Variants in PATJ observed in about 807,000 individuals in gnomAD.
PATJ encodes the protein inaD-like protein.
In PATJ, 190 loss-of-function variants were observed where a neutral mutation model predicts 224.9. That is an observed-to-expected ratio of 0.84 (90% CI 0.75 to 0.95). The LOEUF is 0.95. Ranked by LOEUF, PATJ falls within the 40% of genes least tolerant of loss-of-function variation. PATJ has a pLI of 0.00. For synonymous variants in PATJ, 769 were observed against 820.3 expected (o/e 0.94, Z 1.07); for missense variants, 2,121 against 2,270.3 (o/e 0.93, Z 1.34).
intron 38 of PATJ, 116 bp downstream of exon 38, chr1:62,121,411 T>C (rs1050682402): frequency 2.9e-6 from 2 of 678,048 alleles, no homozygotes; most frequent in African/African-American, 3.7e-5. Context: ...TTTTTGAGCT[T>C]GGCCACATAA....
intron 16 of PATJ, among the ~76,000 whole-genome samples, chr1:61,829,079 G>T (rs1312119806): frequency 6.6e-6 from 1 of 152,090 alleles, no homozygotes; most frequent in Non-Finnish European, 1.5e-5. Context: ...CAGTCCATCC[G>T]TTTTTGTTTT....
At chr1:62,072,559 C>T in intron 31 of PATJ, 1 of 151,648 alleles carries the variant, frequency 6.6e-6, no homozygotes, top group South Asian at 2.1e-4. Context: ...TGGGTGTCCA[C>T]ACTAAGTTCG....
At chr1:61,838,702 C>T (rs917627947) in intron 17 of PATJ, among the ~76,000 whole-genome samples, 7 of 152,006 alleles carry the variant, frequency 4.6e-5, no homozygotes, top group Non-Finnish European at 1.0e-4. Context: ...CAACAAAACT[C>T]TTCAGAAACT....
chr1:62,080,725 A>G (rs1302222028), intron 32 of PATJ, among the ~76,000 whole-genome samples: 1 of 152,230 alleles, frequency 6.6e-6, no homozygotes, highest in Non-Finnish European at 1.5e-5. Flanking sequence ...GCATTAATTT[A>G]GCAGTTCTGA....
chr1:61,829,010 A>G (rs1658830162), intron 16 of PATJ, among the ~76,000 whole-genome samples: 1 of 152,192 alleles, frequency 6.6e-6, no homozygotes, highest in South Asian at 2.1e-4. Context: ...TTCTTAACAC[A>G]ATGCCTTGTA....
chr1:61,912,140 T>C (rs998300846), intron 25 of PATJ, among the ~76,000 whole-genome samples: 3 of 152,166 alleles, frequency 2.0e-5, no homozygotes, highest in Admixed American at 1.3e-4. Flanking sequence ...CCTACTTTTT[T>C]TGACACATGA....
chr1:61,901,349 A>G lies in PATJ; in HGVS notation c.3271A>G (p.Lys1091Glu), dbSNP rs763865962. Residue 1091 changes from lysine (K) to glutamate (E), a missense_variant, in exon 24 of 44, where the codon AAA becomes GAA. Physicochemically the swap from Lys to Glu is moderately conservative, Grantham distance 56. Coordinates refer to ENST00000642238, the MANE Select transcript of PATJ (RefSeq NM_001350145.3). ...ISIVGGQTVI[K>E]RLKNGEELKG... ...TATTGTTGGTGGACAAACTGTTATA[A>G]AACGTCTAAAGAATGGAGAGGAGCT... The G allele has an allele frequency of 1.9e-6, 3 of 1,585,906 alleles. No homozygotes were observed. Among genetic ancestry groups the G allele is most frequent in the Admixed American group, 3.8e-5 (2 of 52,292 alleles).
Position 62,018,079 on chromosome 1 carries a change from C to A in PATJ, c.3959+132C>A. 2 of 533,596 alleles carry A rather than the reference C, an allele frequency of 3.7e-6. No homozygotes were observed. The highest frequency in any genetic ancestry group is 2.8e-5 in the Admixed American group (1 of 36,108). The allele number at this position is 533,596 out of a possible 1,614,324, so 33.1% of individuals were successfully genotyped here. The stretch of plus-strand genomic sequence containing the variant: ...CTAAAAACATATATTCCTTTTGTAA[C>A]TGTCACTTCAAGAAAAGTATTGATT... On this transcript the variant is annotated intron_variant, in intron 29 of 43. Coordinates refer to ENST00000642238, the MANE Select transcript of PATJ (RefSeq NM_001350145.3). The surrounding 1 kb of genome is among the most constrained non-coding windows in gnomAD (Gnocchi z 4.2).
Position 61,922,002 on chromosome 1 carries a change from A to G in PATJ, c.3571-5728A>G, listed in dbSNP as rs1296011902. Among the ~76,000 whole-genome samples, 4 of 152,272 alleles carry G rather than the reference A, an allele frequency of 2.6e-5. No homozygotes were observed. In the East Asian group the frequency reaches 5.8e-4, roughly 22 times the overall value. On this transcript the variant is annotated intron_variant, in intron 26 of 43. Transcript: ENST00000642238. Reference sequence around the variant, plus strand: ...TGCAGCTTGCATTTCTAGTGGGGCAAGGCAAACAGGATAGAATCAGTAACT... The same window carrying G: ...TGCAGCTTGCATTTCTAGTGGGGCAGGGCAAACAGGATAGAATCAGTAACT...
intron 17 of PATJ, among the ~76,000 whole-genome samples, chr1:61,842,766 A>AAAAAAAAAGGAAAAG (rs59816648): frequency 0.76 from 113,492 of 148,376 alleles, 43,661 homozygotes; most frequent in Admixed American, 0.8. Context: ...CAGCTATTAA[A>AAAAAAAAAGGAAAAG]AAAAAAAAGG....
At chr1:61,752,245 G>A (rs767058936) in intron 1 of PATJ, among the ~76,000 whole-genome samples, 21 of 149,882 alleles carry the variant, frequency 1.4e-4, no homozygotes, top group African/African-American at 4.9e-4. Context: ...ACTTTGAATA[G>A]TTTAATGAGA....
In PATJ at chr1:61,801,691, G is replaced by A. The variant is rs777885910; in HGVS notation, c.1471G>A (p.Val491Met). 2 of 1,601,338 alleles carry A rather than the reference G, an allele frequency of 1.2e-6. No homozygotes were observed. Among genetic ancestry groups the A allele is most frequent in the African/African-American group, 2.7e-5 (2 of 74,724 alleles). The change falls in exon 12 of 44, where the codon GTG (valine) becomes ATG (methionine). Residue 491 changes from valine to methionine, a missense_variant. By Grantham distance (21) the Val-to-Met change is conservative. Coordinates refer to ENST00000642238, the MANE Select transcript of PATJ (RefSeq NM_001350145.3). ...TGGAGCAGTGGAAACTGAAACTAAT[G>A]TGGATGGTGAAGATGAGGAAATTAA... Reference protein sequence around the residue: ...LTGAVETETNVDGEDEEIKER... With the variant: ...LTGAVETETNMDGEDEEIKER...
intron 41 of PATJ, among the ~76,000 whole-genome samples, chr1:62,133,682 A>G (rs910924070): frequency 1.3e-5 from 2 of 151,916 alleles, no homozygotes; most frequent in African/African-American, 2.4e-5. Context: ...CGCTCTGGAA[A>G]CACCTGGAGG....
Position 62,028,353 on chromosome 1 carries a change from C to T in PATJ, c.3960-9624C>T, listed in dbSNP as rs371906426. On this transcript the variant is annotated intron_variant, in intron 29 of 43. Transcript: ENST00000642238. ...TGAGTAGCTAGGATTACAGATGCAC[C>T]CCATCAGTGTAACCTTCATCCAGAA... 5.8e-4 allele frequency among the ~76,000 whole-genome samples: 89 copies of T among 152,214 alleles called. 4 individuals carry two copies. The South Asian group carries it at 0.018, about 31-fold the overall frequency.
chr1:61,967,804 G>A (rs1426942057), intron 27 of PATJ, among the ~76,000 whole-genome samples: 1 of 152,090 alleles, frequency 6.6e-6, no homozygotes, highest in African/African-American at 2.4e-5. Flanking sequence ...TGTTGCTTTT[G>A]CCTTTCTGTT....
intron 21 of PATJ, among the ~76,000 whole-genome samples, chr1:61,882,147 A>C (rs58400512): frequency 0.088 from 13,442 of 152,208 alleles, 745 homozygotes; most frequent in South Asian, 0.25. Context: ...AGACAATAAC[A>C]AATTAATGTA....
intron 19 of PATJ, 68 bp downstream of exon 19, chr1:61,861,735 A>T: frequency 1.5e-6 from 1 of 670,576 alleles, no homozygotes. Context: ...TAGAAAGAAT[A>T]AAAAGAAAAT....
At chr1:61,772,733 G>A (rs1293032609) in intron 6 of PATJ, among the ~76,000 whole-genome samples, 1 of 152,180 alleles carries the variant, frequency 6.6e-6, no homozygotes, top group Non-Finnish European at 1.5e-5. Context: ...AAGGGCTTTG[G>A]AGTCAGGTTT....
In PATJ at chr1:61,990,160, T is replaced by C. The variant is rs1644981830; in HGVS notation, c.3671-8T>C. The C allele has an allele frequency of 2.5e-6, 4 of 1,579,120 alleles. No individual in the cohort carries two copies. Among genetic ancestry groups the C allele is most frequent in the Non-Finnish European group, 3.4e-6 (4 of 1,165,606 alleles). ...CTCTATTTAATTTTAAAAAAATTCT[T>C]TTAATAGAAAAAATCAGACAAAGAT... On this transcript the variant is annotated splice_region_variant and splice_polypyrimidine_tract_variant and intron_variant, in intron 27 of 43. Transcript: ENST00000642238.
Sources: allele counts gnomAD v4.1 joint callset (sites outside exome capture counted in the v4.1 genomes callset), GRCh38; gene constraint gnomAD v4.1.1; non-coding constraint Gnocchi (gnomAD v3.1); transcripts MANE v1.5; gene names NCBI Gene and HGNC (gene_info 2026-07-23, HGNC 2026-07-21).